NLRP11: variants seen among roughly 807,000 people sequenced by gnomAD.
NLRP11 encodes the protein NLR family pyrin domain containing 11, also known as NACHT, LRR and PYD domains-containing protein 11.
In NLRP11, 53 loss-of-function variants were observed where a neutral mutation model predicts 79.3. The ratio of observed to expected loss-of-function variants is 0.67; its 90% CI spans 0.54 to 0.84. The LOEUF (loss-of-function observed/expected upper bound fraction) is 0.84. NLRP11 is among the 40% of genes least tolerant of loss of function. The pLI is 0.00. For synonymous variants in NLRP11, 518 were observed against 462.6 expected (o/e 1.12, Z -1.54); for missense variants, 1,264 against 1,255.0 (o/e 1.01, Z -0.11).
intron 4 of NLRP11, among the ~76,000 whole-genome samples, chr19:55,806,006 C>A (rs369607767): frequency 3.9e-5 from 6 of 152,336 alleles, no homozygotes; most frequent in Non-Finnish European, 7.3e-5. Context: ...CACAGTTGAC[C>A]TTTCCTTCGT....
chr19:55,835,762 C>T (rs187412085), upstream of NLRP11, among the ~76,000 whole-genome samples: 23 of 150,468 alleles, frequency 1.5e-4, no homozygotes, highest in Admixed American at 1.5e-3. Context: ...GCGGTCAGAA[C>T]ACTTGAGGTC....
chr19:55,809,037 A>G lies in NLRP11; in HGVS notation c.1573T>C (p.Ser525Pro). 6.2e-7 allele frequency: 1 copy of G among 1,614,136 alleles called. No individual in the cohort carries two copies. The highest frequency in any genetic ancestry group is 8.5e-7 in the Non-Finnish European group (1 of 1,180,016). The change falls in exon 3 of 10, where the codon TCG becomes CCG. Residue 525 changes from serine to proline, a missense_variant. Physicochemically the swap from Ser to Pro is moderately conservative, Grantham distance 74 (BLOSUM62 -1). Transcript: ENST00000589093. The surrounding 1 kb of genome is among the most constrained non-coding windows in gnomAD (Gnocchi z 4.5). Reference sequence around the variant, plus strand: ...TCCAAATGTTTCATGTATCCCACCGAGTACCACTTGAAGCTGTCTACCATC... The same window carrying G: ...TCCAAATGTTTCATGTATCCCACCGGGTACCACTTGAAGCTGTCTACCATC...
At chr19:55,836,388 A>G (rs1399196352), upstream of NLRP11, 1 of 152,126 alleles carries the variant, frequency 6.6e-6, no homozygotes, top group Non-Finnish European at 1.5e-5. Context: ...AAAGGTCTAG[A>G]ACAGCCCCTC....
intron 2 of NLRP11, among the ~76,000 whole-genome samples, chr19:55,810,918 A>G (rs1322433675): frequency 6.6e-6 from 1 of 152,214 alleles, no homozygotes; most frequent in Non-Finnish European, 1.5e-5. Flanking sequence ...TCTTGGCATC[A>G]AGAACATATT....
chr19:55,792,514 G>C (rs769090482), intron 6 of NLRP11, 43 bp from the exon 7 acceptor site: 5 of 1,567,826 alleles, frequency 3.2e-6, no homozygotes, highest in Non-Finnish European at 4.4e-6. Flanking sequence ...GTGAGCACCA[G>C]AGAGGGGAGC....
chr19:55,832,685 A>G (rs927320986), upstream of NLRP11: 4 of 152,216 alleles, frequency 2.6e-5, no homozygotes, highest in Non-Finnish European at 4.4e-5. Flanking sequence ...GGAAATATAA[A>G]AGAGTCTATA....
intron 5 of NLRP11, among the ~76,000 whole-genome samples, chr19:55,799,605 A>G (rs371233498): frequency 3.3e-5 from 5 of 152,186 alleles, no homozygotes; most frequent in Non-Finnish European, 7.4e-5. Flanking sequence ...AAGTGGCAAC[A>G]GAGTTGGGAT....
chr19:55,805,012 G>C (rs1037465244), intron 4 of NLRP11, among the ~76,000 whole-genome samples: 1 of 30 alleles, frequency 0.033, no homozygotes, highest in Non-Finnish European at 0.042. Flanking sequence ...GCAGTGAGCT[G>C]AGATCACGCA....
At chr19:55,820,469 C>CAG (rs994485857) in intron 1 of NLRP11, among the ~76,000 whole-genome samples, 3 of 152,088 alleles carry the variant, frequency 2.0e-5, no homozygotes, top group African/African-American at 7.2e-5. Context: ...TCCCACTGAA[C>CAG]AGAGGGTGGT....
At chr19:55,830,344 C>A (rs929492608) in intron 1 of NLRP11, among the ~76,000 whole-genome samples, 1 of 152,116 alleles carries the variant, frequency 6.6e-6, no homozygotes, top group African/African-American at 2.4e-5. Context: ...AACTGTATTT[C>A]TTTCTAGTGA....
intron 1 of NLRP11, among the ~76,000 whole-genome samples, chr19:55,831,374 C>T (rs1396910960): frequency 6.6e-6 from 1 of 151,714 alleles, no homozygotes; most frequent in East Asian, 1.9e-4. Flanking sequence ...CCAGCCTAGA[C>T]AACATGGCGA....
At chr19:55,795,723 T>A (rs1315335139) in intron 6 of NLRP11, among the ~76,000 whole-genome samples, 6 of 152,102 alleles carry the variant, frequency 3.9e-5, no homozygotes, top group Non-Finnish European at 7.4e-5. Context: ...CTCCTGACCT[T>A]GTGATCCGCC....
chr19:55,810,445 T>G, intron 2 of NLRP11, 107 bp from the exon 3 acceptor site: 2 of 974,574 alleles, frequency 2.1e-6, no homozygotes, highest in Non-Finnish European at 3.1e-6. Context: ...ATAGTAGAAA[T>G]TTTTACTTAC....
At chr19:55,836,300 CT>C (rs1983273139), upstream of NLRP11, 1 of 152,122 alleles carries the variant, frequency 6.6e-6, no homozygotes, top group Non-Finnish European at 1.5e-5. Flanking sequence ...AGGAGCATCC[CT>C]GCAGCCGTGA....
At chr19:55,803,244 G>A (rs34326741) in intron 4 of NLRP11, among the ~76,000 whole-genome samples, 20,602 of 152,122 alleles carry the variant, frequency 0.14, 1,672 homozygotes, top group South Asian at 0.29. Context: ...CTACTTGGGA[G>A]GCTGAGGCAG....
chr19:55,796,679 A>AC (rs1978917894), intron 5 of NLRP11, among the ~76,000 whole-genome samples: 1 of 145,250 alleles, frequency 6.9e-6, no homozygotes, highest in African/African-American at 2.7e-5. Context: ...CTGGCTCTCA[A>AC]CTATCTCTAT....
At position 55,818,353 on chromosome 19, in the gene NLRP11, A is replaced by G. The variant is rs149398387; in HGVS notation, c.-62-117T>C. On this transcript the variant is annotated intron_variant, in intron 1 of 9. Transcript: ENST00000589093. ...GAAGCTCCTTTCTGATAGGCCATCA[A>G]CGATAAGTCTGAACTCTTTCTGTCT... The G allele has an allele frequency of 2.3e-3, 1,368 of 600,142 alleles. 13 individuals carry two copies. The Middle Eastern group carries it at 0.031, about 13-fold the overall frequency. 37.2% of individuals were successfully genotyped at this position (600,142 alleles called of 1,614,324 possible).
At chr19:55,820,654 A>T (rs930407625) in intron 1 of NLRP11, among the ~76,000 whole-genome samples, 2 of 151,982 alleles carry the variant, frequency 1.3e-5, no homozygotes, top group Non-Finnish European at 2.9e-5. Flanking sequence ...AATCTTTCGA[A>T]AACTTAGTTT....
chr19:55,793,176 G>A lies in NLRP11; in HGVS notation c.2343-705C>T, dbSNP rs577290840. Among the ~76,000 whole-genome samples the A allele has an allele frequency of 2.6e-3, 391 of 152,242 alleles. 1 individual carries two copies. The highest frequency in any genetic ancestry group is 9.0e-3 in the African/African-American group (373 of 41,552). ...ATTATAGGCGTGAGCCACCACACCC[G>A]GCCGAATCTCTATTTTTTTTAACCC... On this transcript the variant is annotated intron_variant, in intron 6 of 9. Transcript: ENST00000589093.
Sources: gnomAD v4.1 joint callset for allele counts (sites outside exome capture counted in the v4.1 genomes callset) on GRCh38, gnomAD v4.1.1 for gene constraint, Gnocchi (gnomAD v3.1) non-coding constraint, MANE v1.5 for transcripts, NCBI Gene and HGNC (gene_info 2026-07-23, HGNC 2026-07-21) for gene names.